The following CDH7 variants were observed in gnomAD, a reference collection of about 807,000 sequenced individuals.
The protein encoded by CDH7 is cadherin 7, also known as cadherin-7.
In CDH7, 25 loss-of-function variants were observed where a neutral mutation model predicts 71.8. That is an observed-to-expected ratio of 0.35 (90% CI 0.25 to 0.49). CDH7 has a LOEUF of 0.49. CDH7 is among the 20% of genes least tolerant of loss of function. The pLI is 0.99. For missense variants in CDH7, 862 were observed against 974.6 expected (o/e 0.88, Z 1.54); for synonymous variants, 381 against 363.8 (o/e 1.05, Z -0.54).
chr18:65,835,635 C>A (rs1912506294), intron 6 of CDH7, among the ~76,000 whole-genome samples: 1 of 152,180 alleles, frequency 6.6e-6, no homozygotes, highest in South Asian at 2.1e-4. Context: ...AGCTATAGTG[C>A]ATGCTGGAAA....
At chr18:65,789,407 A>G (rs780417846) in intron 2 of CDH7, among the ~76,000 whole-genome samples, 1 of 152,186 alleles carries the variant, frequency 6.6e-6, no homozygotes, top group Non-Finnish European at 1.5e-5. Flanking sequence ...AGGACAAATA[A>G]AAACCAAGAC....
At chr18:65,830,623 TCGCTTC>T (rs1380785100) in intron 6 of CDH7, among the ~76,000 whole-genome samples, 1 of 22,096 alleles carries the variant, frequency 4.5e-5, no homozygotes, top group Admixed American at 1.0e-3. Flanking sequence ...TCCCTTCCCT[TCGCTTC>T]CCCTTCCCTT....
At chr18:65,819,136 A>G (rs966189907) in intron 4 of CDH7, among the ~76,000 whole-genome samples, 35 of 152,192 alleles carry the variant, frequency 2.3e-4, no homozygotes, top group Non-Finnish European at 4.1e-4. Context: ...ACAGTTTATA[A>G]ATACTATGGC....
In CDH7 at chr18:65,880,746, G is replaced by A. The variant is rs1283149752; in HGVS notation, c.2210G>A (p.Gly737Glu). ...TCCCTGCAGACATATGCTTTTGAAGGAAATGGCTCAGTTGCTGAATCACTC... is the reference window on the plus strand; with the variant it reads ...TCCCTGCAGACATATGCTTTTGAAGAAAATGGCTCAGTTGCTGAATCACTC... ...YDSLQTYAFE[G>E]NGSVAESLSS... Residue 737 changes from glycine to glutamate, a missense_variant, in exon 12 of 12, where the codon GGA becomes GAA. Physicochemically the swap from Gly to Glu is moderately conservative, Grantham distance 98. Transcript: ENST00000397968. 1 of 1,614,066 alleles carries A rather than the reference G, an allele frequency of 6.2e-7. No homozygotes were observed. The highest frequency in any genetic ancestry group is 1.3e-5 in the African/African-American group (1 of 74,994).
intron 6 of CDH7, among the ~76,000 whole-genome samples, chr18:65,825,275 C>T (rs151290982): frequency 1.3e-5 from 2 of 151,796 alleles, no homozygotes; most frequent in East Asian, 3.9e-4. Context: ...GCTACATTAC[C>T]AATTATTGCC....
chr18:65,860,550 T>G (rs1224628873), intron 10 of CDH7, among the ~76,000 whole-genome samples: 1 of 152,170 alleles, frequency 6.6e-6, no homozygotes, highest in Non-Finnish European at 1.5e-5. Flanking sequence ...TTGAATCATA[T>G]GTTCGAATGA....
intron 2 of CDH7, among the ~76,000 whole-genome samples, chr18:65,805,404 G>A (rs112775806): frequency 9.6e-4 from 146 of 152,254 alleles, no homozygotes; most frequent in African/African-American, 3.3e-3. Context: ...GTGGGAAAAC[G>A]AGGCCTGGGA....
intron 2 of CDH7, among the ~76,000 whole-genome samples, chr18:65,793,844 G>A (rs957152456): frequency 3.9e-5 from 6 of 152,104 alleles, no homozygotes; most frequent in Non-Finnish European, 8.8e-5. Flanking sequence ...GTGCTCGTAA[G>A]GAGCACATGA....
intron 6 of CDH7, among the ~76,000 whole-genome samples, chr18:65,828,959 C>T (rs1231307028): frequency 6.6e-6 from 1 of 151,980 alleles, no homozygotes; most frequent in East Asian, 1.9e-4. Flanking sequence ...CTTAAATTTG[C>T]TTTCAGTTTT....
intron 6 of CDH7, among the ~76,000 whole-genome samples, chr18:65,836,431 T>G (rs1912535548): frequency 6.6e-6 from 1 of 152,160 alleles, no homozygotes; most frequent in African/African-American, 2.4e-5. Flanking sequence ...GATGATAATA[T>G]TCCTCAATAT....
At chr18:65,815,310 C>T (rs115977187) in intron 4 of CDH7, among the ~76,000 whole-genome samples, 2,197 of 151,664 alleles carry the variant, frequency 0.014, 41 homozygotes, top group African/African-American at 0.049. Context: ...CAGGTGGGTG[C>T]GAATATTAGC....
At chr18:65,835,310 A>G (rs1297253220) in intron 6 of CDH7, among the ~76,000 whole-genome samples, 1 of 152,138 alleles carries the variant, frequency 6.6e-6, no homozygotes, top group Non-Finnish European at 1.5e-5. Context: ...AGAAGCAATA[A>G]AGTATTGTGG....
At chr18:65,841,071 A>G (rs1189943218) in intron 6 of CDH7, among the ~76,000 whole-genome samples, 1 of 152,162 alleles carries the variant, frequency 6.6e-6, no homozygotes, top group Non-Finnish European at 1.5e-5. Context: ...ATCCTGGCAT[A>G]TTTTGATATA....
chr18:65,756,600 A>C (rs1275499927), intron 1 of CDH7, among the ~76,000 whole-genome samples: 7 of 152,236 alleles, frequency 4.6e-5, no homozygotes, highest in South Asian at 2.1e-4. Context: ...CATCTGAGGC[A>C]GACTCCAGAC....
intron 7 of CDH7, among the ~76,000 whole-genome samples, chr18:65,857,218 C>G (rs542763279): frequency 5.3e-5 from 8 of 151,368 alleles, no homozygotes; most frequent in African/African-American, 1.9e-4. Context: ...GATGGTGGCT[C>G]ACGCCTATAA....
chr18:65,771,811 G>A lies in CDH7; in HGVS notation c.210+8759G>A, dbSNP rs553712384. 1.5e-3 allele frequency among the ~76,000 whole-genome samples: 235 copies of A among 151,760 alleles called. 1 individual carries two copies. The highest frequency in any genetic ancestry group is 0.014 in the Middle Eastern group (4 of 294). ...CCTTCTGTCCTTTTGCCATGCAAAC[G>A]AAAAAAAAGAGAGAGCCAAATGACA... On this transcript the variant is annotated intron_variant, in intron 2 of 11. Coordinates refer to ENST00000397968, the MANE Select transcript of CDH7 (RefSeq NM_004361.5).
At chr18:65,858,208 G>A (rs1913433545) in intron 8 of CDH7, among the ~76,000 whole-genome samples, 1 of 152,074 alleles carries the variant, frequency 6.6e-6, no homozygotes, top group Admixed American at 6.6e-5. Context: ...CTTTTTTTCT[G>A]ATCATAATTC....
intron 9 of CDH7, 57 bp from the exon 10 acceptor site, chr18:65,859,651 A>G (rs575301179): frequency 9.5e-7 from 1 of 1,047,918 alleles, no homozygotes; most frequent in East Asian, 2.4e-5. Flanking sequence ...GTCCTGCCAC[A>G]GAAAACTAAG....
chr18:65,758,001 C>A (rs1916081020), intron 1 of CDH7, among the ~76,000 whole-genome samples: 1 of 152,108 alleles, frequency 6.6e-6, no homozygotes, highest in African/African-American at 2.4e-5. Flanking sequence ...GCTTTAGGCA[C>A]AGATTTGTGA....
Sources: allele counts gnomAD v4.1 joint callset (sites outside exome capture counted in the v4.1 genomes callset), GRCh38; gene constraint gnomAD v4.1.1; transcripts MANE v1.5; gene names NCBI Gene and HGNC (gene_info 2026-07-23, HGNC 2026-07-21).